Variants in TNRC6B observed in about 807,000 individuals in gnomAD.
TNRC6B encodes the protein trinucleotide repeat-containing gene 6B protein.
A neutral mutation model predicts 203.6 loss-of-function variants in TNRC6B; 52 were observed. That is an observed-to-expected ratio of 0.26 (90% confidence interval 0.20 to 0.32). TNRC6B has a LOEUF of 0.32. Ranked by LOEUF, TNRC6B falls within the 10% of genes least tolerant of loss-of-function variation. TNRC6B has a pLI of 1.00. For synonymous variants in TNRC6B, 838 were observed against 845.7 expected, an observed-to-expected ratio of 0.99 and a Z score of 0.16; for missense variants, 1,923 against 2,286.2, an observed-to-expected ratio of 0.84 and a Z score of 3.24.
chr22:40,082,884 G>C (rs2068072528), intron 1 of TNRC6B, among the ~76,000 whole-genome samples: 1 of 152,128 alleles, frequency 6.6e-6, no homozygotes, highest in African/African-American at 2.4e-5. Flanking sequence ...GGAATGTTTT[G>C]GGGGGAAGTC....
chr22:40,060,110 G>C (rs915578680), intron 1 of TNRC6B, among the ~76,000 whole-genome samples: 5 of 150,192 alleles, frequency 3.3e-5, no homozygotes, highest in East Asian at 3.9e-4. Flanking sequence ...GATTTCAGGC[G>C]TGAGGCACTG....
In TNRC6B at chr22:40,329,568, C is replaced by G. The variant is rs549592845; in HGVS notation, c.*6327C>G. ...ACATCGACCCTCCCTAACCTGCTCA[C>G]CATACCTCCCCACCCCATGCCTCTG... On this transcript the variant is annotated 3_prime_UTR_variant, in exon 23 of 23. Coordinates refer to ENST00000454349, the MANE Select transcript of TNRC6B (RefSeq NM_001162501.2). The G allele has an allele frequency of 2.0e-5, 3 of 152,086 alleles. No individual in the cohort carries two copies. Among genetic ancestry groups the G allele is most frequent in the Non-Finnish European group, 4.4e-5 (3 of 68,028 alleles). The allele number at this position is 152,086 out of a possible 1,614,324, so 9.4% of individuals were successfully genotyped here.
intron 1 of TNRC6B, among the ~76,000 whole-genome samples, chr22:40,112,938 G>C (rs993664929): frequency 2.0e-5 from 3 of 152,148 alleles, no homozygotes; most frequent in African/African-American, 7.2e-5. Flanking sequence ...GGTCAACATG[G>C]TGAAACCCCG....
chr22:40,100,373 A>G (rs2068227954), intron 1 of TNRC6B, among the ~76,000 whole-genome samples: 1 of 146,150 alleles, frequency 6.8e-6, no homozygotes, highest in South Asian at 2.2e-4. Flanking sequence ...TACAGGCGTG[A>G]CCACTGCGCC....
intron 3 of TNRC6B, among the ~76,000 whole-genome samples, chr22:40,254,615 C>T (rs753476207): frequency 5.9e-5 from 9 of 152,156 alleles, no homozygotes; most frequent in East Asian, 1.9e-4. Context: ...AGGCCGAGCG[C>T]GGTGGCTCAC....
intron 15 of TNRC6B, among the ~76,000 whole-genome samples, chr22:40,301,681 G>GT (rs1569061267): frequency 1.3e-5 from 2 of 152,160 alleles, no homozygotes; most frequent in African/African-American, 2.4e-5. Context: ...CTAAGGCTGG[G>GT]TAATACTCCA....
At chr22:40,317,357 A>AT (rs1252523225) in intron 21 of TNRC6B, among the ~76,000 whole-genome samples, 1 of 152,190 alleles carries the variant, frequency 6.6e-6, no homozygotes, top group Non-Finnish European at 1.5e-5. Flanking sequence ...AGGTGGATGG[A>AT]TCACGAGGTC....
intron 15 of TNRC6B, chr22:40,301,576 TCC>T (rs1348448907): frequency 1.2e-3 from 619 of 518,786 alleles, no homozygotes; most frequent in South Asian, 1.9e-3. Context: ...AAAGCAGTCT[TCC>T]TTTTTTTTGT....
At chr22:40,142,137 G>A (rs1199377591) in intron 3 of TNRC6B, among the ~76,000 whole-genome samples, 1 of 151,566 alleles carries the variant, frequency 6.6e-6, no homozygotes, top group Non-Finnish European at 1.5e-5. Flanking sequence ...ATAGTTCACT[G>A]AGCCTTGAAC....
At chr22:40,268,638 G>A (rs1348338174) in intron 5 of TNRC6B, among the ~76,000 whole-genome samples, 3 of 152,148 alleles carry the variant, frequency 2.0e-5, no homozygotes, top group African/African-American at 7.2e-5. Flanking sequence ...TTGGCCAGGC[G>A]CGGTGGCTCA....
At chr22:40,238,839 C>G (rs559914904) in intron 1 of TNRC6B, among the ~76,000 whole-genome samples, 4 of 152,178 alleles carry the variant, frequency 2.6e-5, no homozygotes, top group Non-Finnish European at 2.9e-5. Flanking sequence ...CTTTCTCCCC[C>G]ACTGGGATGT....
At chr22:40,314,313 C>T (rs2071227840) in intron 19 of TNRC6B, among the ~76,000 whole-genome samples, 2 of 152,172 alleles carry the variant, frequency 1.3e-5, no homozygotes, top group South Asian at 4.1e-4. Flanking sequence ...TGGATCCAGG[C>T]AGTTATGATT....
In TNRC6B at chr22:40,228,677, G is replaced by GCC. The variant is rs1278493610; in HGVS notation, c.6-17337_6-17336dup. Among the ~76,000 whole-genome samples the GCC allele has an allele frequency of 3.3e-5, 5 of 151,084 alleles. No individual in the cohort carries two copies. In the East Asian group the frequency reaches 1.0e-3, roughly 30 times the overall value. On this transcript the variant is annotated intron_variant, in intron 1 of 22. Transcript: ENST00000454349. ...TGGGACTACAGGAGCCCGCCACCAT[G>GCC]CCTGGCTAATTTTTTGTATTTTTTT...
chr22:40,125,157 A>G (rs2068478722), intron 2 of TNRC6B, among the ~76,000 whole-genome samples: 1 of 152,220 alleles, frequency 6.6e-6, no homozygotes, highest in Non-Finnish European at 1.5e-5. Flanking sequence ...TTCTTTGAGG[A>G]AAACTTAATT....
Position 40,300,559 on chromosome 22 carries a change from G to C in TNRC6B, c.3813G>C (p.Gln1271His). ...LSPQQIAMLS[Q>H]LPQIPQFQLA... Reference sequence around the variant, plus strand: ...CTCAACAAATTGCCATGCTGAGCCAGCTTCCACAAATTCCCCAGTTTCAGT... The same window carrying C: ...CTCAACAAATTGCCATGCTGAGCCACCTTCCACAAATTCCCCAGTTTCAGT... The change falls in exon 13 of 23, where the codon CAG becomes CAC. Residue 1271 changes from glutamine (Q) to histidine (H), a missense_variant. Coordinates refer to ENST00000454349, the MANE Select transcript of TNRC6B (RefSeq NM_001162501.2). The C allele has an allele frequency of 6.2e-7, 1 of 1,612,766 alleles. No homozygotes were observed. The highest frequency in any genetic ancestry group is 1.1e-5 in the South Asian group (1 of 90,618).
chr22:40,177,929 A>G lies in TNRC6B; in HGVS notation c.-207A>G, dbSNP rs1224099314. 3.7e-6 allele frequency: 5 copies of G among 1,353,744 alleles called. No individual in the cohort carries two copies. The highest frequency in any genetic ancestry group is 4.7e-6 in the Non-Finnish European group (5 of 1,056,492). The allele number at this position is 1,353,744 out of a possible 1,614,324, so 83.9% of individuals were successfully genotyped here. On this transcript the variant is annotated 5_prime_UTR_variant, in exon 1 of 23. Coordinates refer to ENST00000454349, the MANE Select transcript of TNRC6B (RefSeq NM_001162501.2). ...TCACAAAAAGCTGCTTCCTTTAGAG[A>G]CAGAGAGGGAGAGAGAGAGCAAGAG...
chr22:40,064,136 G>C (rs1460057704), intron 1 of TNRC6B, among the ~76,000 whole-genome samples: 2 of 152,178 alleles, frequency 1.3e-5, no homozygotes, highest in Middle Eastern at 3.2e-3. Context: ...TATTAGTTGT[G>C]ATAGTTTTTC....
At chr22:40,083,420 C>A (rs528227467) in intron 1 of TNRC6B, among the ~76,000 whole-genome samples, 1 of 152,116 alleles carries the variant, frequency 6.6e-6, no homozygotes, top group Non-Finnish European at 1.5e-5. Flanking sequence ...GAAGTCATGT[C>A]GGAATGGTTT....
chr22:40,091,820 A>G (rs947720062), intron 1 of TNRC6B, among the ~76,000 whole-genome samples: 1 of 152,252 alleles, frequency 6.6e-6, no homozygotes, highest in Admixed American at 6.5e-5. Flanking sequence ...TTATAATGAA[A>G]CTTAAAAAAA....
Sources: allele counts gnomAD v4.1 joint callset (sites outside exome capture counted in the v4.1 genomes callset), GRCh38; gene constraint gnomAD v4.1.1; transcripts MANE v1.5; gene names NCBI Gene and HGNC (gene_info 2026-07-23, HGNC 2026-07-21).